Variants in LY75 observed in about 807,000 individuals in gnomAD.
LY75 encodes C-type lectin domain family 13 member B.
Under a neutral mutation model 231.7 loss-of-function variants are expected in LY75, and 185 were observed. The observed-to-expected ratio is 0.80, with a 90% CI of 0.71 to 0.90. The LOEUF is 0.90. LY75 is among the 40% of genes least tolerant of loss of function. The pLI is 0.00. For synonymous variants in LY75, 668 were observed against 689.0 expected (o/e 0.97, Z 0.48); for missense variants, 1,947 against 2,050.2 (o/e 0.95, Z 0.97).
At position 159,889,027 on chromosome 2, in the gene LY75, T is replaced by A. The variant is rs185058640; in HGVS notation, c.802+1186A>T. Among the ~76,000 whole-genome samples the A allele has an allele frequency of 2.4e-3, 358 of 152,324 alleles. 1 individual carries two copies. The highest frequency in any genetic ancestry group is 4.3e-3 in the Non-Finnish European group (295 of 68,012). On this transcript the variant is annotated intron_variant, in intron 4 of 34. Transcript: ENST00000263636. ...AATTATTTGTCTTTCATTCAAAGAA[T>A]AACTCATCAGGGACTCAGTAACTTA...
At chr2:159,819,346 T>C (rs1683216960) in intron 29 of LY75, among the ~76,000 whole-genome samples, 1 of 152,218 alleles carries the variant, frequency 6.6e-6, no homozygotes, top group Non-Finnish European at 1.5e-5. Flanking sequence ...TTCTTATTTA[T>C]ATAAACCCTA....
At chr2:159,837,959 C>G (rs1193525869) in intron 25 of LY75, among the ~76,000 whole-genome samples, 2 of 152,102 alleles carry the variant, frequency 1.3e-5, no homozygotes, top group Non-Finnish European at 2.9e-5. Flanking sequence ...TCCTTTAATT[C>G]TATGTATTTT....
In LY75 at chr2:159,835,552, C is replaced by T. The variant is rs766893816; in HGVS notation, c.3601G>A (p.Asp1201Asn). The change falls in exon 26 of 35, where the codon GAC (aspartate) becomes AAC (asparagine). Residue 1201 changes from aspartate to asparagine, a missense_variant. By Grantham distance (23) the Asp-to-Asn change is conservative. Coordinates refer to ENST00000263636, the MANE Select transcript of LY75 (RefSeq NM_002349.4). ...NGQLEDCVVLDTDGFWKTVDC... is the reference protein window; with the variant it reads ...NGQLEDCVVLNTDGFWKTVDC... Reference sequence around the variant, plus strand: ...ACTGTTTTCCAGAATCCATCAGTGTCTAATACTACACAGTCTTCGAGTTGC... The same window carrying T: ...ACTGTTTTCCAGAATCCATCAGTGTTTAATACTACACAGTCTTCGAGTTGC... 1 of 1,613,758 alleles carries T rather than the reference C, an allele frequency of 6.2e-7. No homozygotes were observed.
Position 159,898,746 on chromosome 2 carries a change from T to A in LY75, c.408A>T (p.Ala136=). Residue 136 remains alanine, a synonymous_variant, in exon 2 of 35, where the codon GCA becomes GCT. Coordinates refer to ENST00000263636, the MANE Select transcript of LY75 (RefSeq NM_002349.4). ...AGCCTCCTTTCTTCCAGACATCAGA[T>A]GCATTTGAGATTGCTGTGCCATGTC... is the stretch of plus-strand genomic sequence containing the variant. ...KDGHGTAISN[A]SDVWKKGGSE... is the part of the protein sequence containing the mutation. The A allele has an allele frequency of 6.2e-7, 1 of 1,614,158 alleles. No homozygotes were observed. The highest frequency in any genetic ancestry group is 8.5e-7 in the Non-Finnish European group (1 of 1,179,946).
At chr2:159,847,552 G>T (rs1684240374) in intron 23 of LY75, among the ~76,000 whole-genome samples, 1 of 152,110 alleles carries the variant, frequency 6.6e-6, no homozygotes. Flanking sequence ...TCTCTGGCAA[G>T]TTACTGACTC....
At chr2:159,852,160 G>C in intron 21 of LY75, 41 bp downstream of exon 21, 1 of 1,604,144 alleles carries the variant, frequency 6.2e-7, no homozygotes, top group Non-Finnish European at 8.5e-7. Context: ...AACCAGCATG[G>C]AAGCAATCAT....
At chr2:159,871,063 T>G (rs1685000005) in intron 13 of LY75, among the ~76,000 whole-genome samples, 2 of 152,166 alleles carry the variant, frequency 1.3e-5, no homozygotes, top group Admixed American at 1.3e-4. Context: ...TTTCTGACTT[T>G]CAGGGAAATG....
chr2:159,814,690 AAAAAG>A (rs1409167347), intron 31 of LY75, among the ~76,000 whole-genome samples: 2 of 151,268 alleles, frequency 1.3e-5, no homozygotes, highest in African/African-American at 2.4e-5. Flanking sequence ...TAAGAAAAGA[AAAAAG>A]AAAAGAAAAG....
chr2:159,870,847 C>T (rs1684992957), intron 13 of LY75, among the ~76,000 whole-genome samples: 1 of 152,046 alleles, frequency 6.6e-6, no homozygotes, highest in African/African-American at 2.4e-5. Context: ...CAAAATCTTA[C>T]TTCCTAGAGA....
chr2:159,888,094 A>G (rs573286563), intron 4 of LY75, among the ~76,000 whole-genome samples: 1 of 152,328 alleles, frequency 6.6e-6, no homozygotes, highest in African/African-American at 2.4e-5. Context: ...GCCAAACAAT[A>G]CAGGAAAAGG....
chr2:159,869,411 A>G (rs1426212181), intron 13 of LY75, among the ~76,000 whole-genome samples: 4 of 152,158 alleles, frequency 2.6e-5, no homozygotes, highest in African/African-American at 9.7e-5. Flanking sequence ...AATGAATGTG[A>G]GAACTGGGTT....
At position 159,833,129 on chromosome 2, in the gene LY75, CT is replaced by C. The variant is rs5835769; in HGVS notation, c.3841+914del. On this transcript the variant is annotated intron_variant, in intron 27 of 34. Coordinates refer to ENST00000263636, the MANE Select transcript of LY75 (RefSeq NM_002349.4). ...TTGTGTGTCATTTCTTTCCCCCTTC[CT>C]TTTTTTTTTTTTTTTTGGAGATAGG... is the stretch of plus-strand genomic sequence containing the variant. 2.7e-3 allele frequency among the ~76,000 whole-genome samples: 367 copies of C among 133,932 alleles called. 1 individual carries two copies. Among genetic ancestry groups the C allele is most frequent in the East Asian group, 7.4e-3 (34 of 4,586 alleles). 87.9% of individuals were successfully genotyped at this position (133,932 alleles called of 152,430 possible).
intron 24 of LY75, 91 bp downstream of exon 24, chr2:159,842,154 C>T (rs1684051338): frequency 6.9e-7 from 1 of 1,452,308 alleles, no homozygotes; most frequent in East Asian, 2.6e-5. Flanking sequence ...CTATGTTCCC[C>T]TCCCTCCCTA....
chr2:159,816,157 A>G (rs1683114523), intron 30 of LY75, among the ~76,000 whole-genome samples: 1 of 152,216 alleles, frequency 6.6e-6, no homozygotes, highest in Non-Finnish European at 1.5e-5. Context: ...AATTAAAACT[A>G]CAACTCTAGT....
intron 25 of LY75, among the ~76,000 whole-genome samples, chr2:159,836,568 G>A (rs1358671484): frequency 2.0e-5 from 3 of 152,174 alleles, no homozygotes; most frequent in Non-Finnish European, 4.4e-5. Flanking sequence ...GACCCACTGA[G>A]CTAAGCTTTC....
At chr2:159,827,642 T>C (rs1357260756) in intron 28 of LY75, among the ~76,000 whole-genome samples, 1 of 152,166 alleles carries the variant, frequency 6.6e-6, no homozygotes, top group Non-Finnish European at 1.5e-5. Context: ...CATTCCACTA[T>C]AAAGATGTAT....
chr2:159,831,521 A>G, intron 28 of LY75, 149 bp downstream of exon 28: 5 of 826,018 alleles, frequency 6.1e-6, no homozygotes, highest in Admixed American at 2.9e-5. Flanking sequence ...AGACATAAAA[A>G]CTGTCTTGGT....
intron 2 of LY75, 116 bp downstream of exon 2, chr2:159,898,572 A>C: frequency 1.4e-6 from 2 of 1,473,502 alleles, no homozygotes; most frequent in Non-Finnish European, 1.8e-6. Flanking sequence ...GGAAGTGAAG[A>C]GCTTACTCAC....
Position 159,817,008 on chromosome 2 carries a change from G to A in LY75, c.4178C>T (p.Thr1393Ile), listed in dbSNP as rs35941588. Residue 1393 changes from threonine to isoleucine, a missense_variant, in exon 30 of 35, where the codon ACT becomes ATT. Thr to Ile is a moderately conservative substitution (Grantham distance 89, BLOSUM62 -1). Transcript: ENST00000263636. Reference sequence around the variant, plus strand: ...ATATGGCATAAACTGTGGCAGTGTAGTATTATATTCTTCTTTGTAGTCAAC... The same window carrying A: ...ATATGGCATAAACTGTGGCAGTGTAATATTATATTCTTCTTTGTAGTCAAC... ...EMVDYKEEYN[T>I]TLPQFMPYED... 115,947 of 1,612,530 alleles carry A rather than the reference G, an allele frequency of 0.072. 4,547 individuals are homozygous for A. Among genetic ancestry groups the A allele is most frequent in the Non-Finnish European group, 0.081 (95,706 of 1,179,120 alleles).
Sources: gnomAD v4.1 joint callset for allele counts (sites outside exome capture counted in the v4.1 genomes callset) on GRCh38, gnomAD v4.1.1 for gene constraint, MANE v1.5 for transcripts, NCBI Gene and HGNC (gene_info 2026-07-23, HGNC 2026-07-21) for gene names.